Variants in FGD6 observed in about 807,000 individuals in gnomAD.
FGD6 encodes FYVE, RhoGEF and PH domain-containing protein 6.
In FGD6, 90 loss-of-function variants were observed where a neutral mutation model predicts 149.4. That is an observed-to-expected ratio of 0.60 (90% confidence interval 0.51 to 0.72). FGD6 has a LOEUF of 0.72. Ranked by LOEUF, FGD6 falls within the 30% of genes least tolerant of loss-of-function variation. FGD6 has a pLI of 0.00. For missense variants in FGD6, 1,437 were observed against 1,684.8 expected (o/e 0.85, Z 2.57); for synonymous variants, 527 against 584.0 (o/e 0.90, Z 1.41).
rs374543487 is a variant in FGD6 at position 95,105,105 on chromosome 12, A to G, written c.3418-19T>C. 1.3e-6 allele frequency: 2 copies of G among 1,591,360 alleles called. No individual in the cohort carries two copies. The highest frequency in any genetic ancestry group is 2.7e-5 in the African/African-American group (2 of 73,386). On this transcript the variant is annotated intron_variant, in intron 13 of 20. Transcript: ENST00000343958. The stretch of plus-strand genomic sequence containing the variant: ...TTCTGACCTGGAAGAAAGCACAACA[A>G]TTTGAGCCGACTCATCCTACTGAAA...
intron 1 of FGD6, among the ~76,000 whole-genome samples, chr12:95,215,592 A>T (rs2056749323): frequency 6.6e-6 from 1 of 152,224 alleles, no homozygotes; most frequent in Admixed American, 6.5e-5. Flanking sequence ...AAAACCAACC[A>T]ACTCGGCTAG....
chr12:95,153,836 A>T (rs1880378632), intron 3 of FGD6, among the ~76,000 whole-genome samples: 1 of 151,940 alleles, frequency 6.6e-6, no homozygotes, highest in Admixed American at 6.6e-5. Context: ...AGGCTCTCCG[A>T]ATTTCCTTAA....
intron 9 of FGD6, among the ~76,000 whole-genome samples, chr12:95,112,718 GGAGA>G (rs1278874913): frequency 6.6e-6 from 1 of 152,100 alleles, no homozygotes; most frequent in Non-Finnish European, 1.5e-5. Flanking sequence ...AGAGAGGGAG[GGAGA>G]GAGATTGTGA....
chr12:95,195,604 G>GA (rs527612318), intron 2 of FGD6, among the ~76,000 whole-genome samples: 2 of 144,938 alleles, frequency 1.4e-5, no homozygotes, highest in Admixed American at 6.9e-5. Context: ...AATTTGAGAG[G>GA]AAAAAAAATT....
chr12:95,125,412 C>A (rs1200270442), intron 8 of FGD6, among the ~76,000 whole-genome samples: 1 of 152,092 alleles, frequency 6.6e-6, no homozygotes, highest in African/African-American at 2.4e-5. Context: ...GTGGAAGGAT[C>A]CCCTGAACCC....
intron 8 of FGD6, among the ~76,000 whole-genome samples, chr12:95,116,194 T>C (rs905049123): frequency 3.3e-5 from 5 of 152,170 alleles, no homozygotes; most frequent in Admixed American, 3.3e-4. Context: ...TATTACATAA[T>C]CCGTGTCTGG....
At chr12:95,112,795 C>T (rs1592837085) in intron 9 of FGD6, among the ~76,000 whole-genome samples, 1 of 152,180 alleles carries the variant, frequency 6.6e-6, no homozygotes, top group South Asian at 2.1e-4. Context: ...ATGAGTCCCT[C>T]ATGTTGTAAT....
At chr12:95,137,701 C>CA in intron 6 of FGD6, 23 bp from the exon 7 acceptor site, 1 of 1,512,084 alleles carries the variant, frequency 6.6e-7, no homozygotes, top group Non-Finnish European at 8.9e-7. Context: ...AAGAGATACA[C>CA]AAAAAAATAT....
chr12:95,088,756 C>T (rs914065651), intron 18 of FGD6, among the ~76,000 whole-genome samples: 2 of 152,122 alleles, frequency 1.3e-5, no homozygotes, highest in Non-Finnish European at 2.9e-5. Flanking sequence ...TAACAAGAAA[C>T]GAAGTATGGA....
At position 95,089,670 on chromosome 12, in the gene FGD6, A is replaced by T; in HGVS notation, c.3877T>A (p.Ser1293Thr). Residue 1293 changes from serine (S) to threonine (T), a missense_variant, in exon 18 of 21, where the codon TCT becomes ACT. Transcript: ENST00000343958. The part of the protein sequence containing the change: ...LDHQHSPRIG[S>T]PGNHKSPSSA... ...GAAGGAGATTTGTGATTTCCAGGAGATCCAATCCTAGGGGAGTGCTGGTGA... is the reference window on the plus strand; with the variant it reads ...GAAGGAGATTTGTGATTTCCAGGAGTTCCAATCCTAGGGGAGTGCTGGTGA... 6.2e-7 allele frequency: 1 copy of T among 1,613,844 alleles called. No individual in the cohort carries two copies. Among genetic ancestry groups the T allele is most frequent in the Non-Finnish European group, 8.5e-7 (1 of 1,179,820 alleles).
chr12:95,206,243 A>G (rs2056692324), intron 2 of FGD6, among the ~76,000 whole-genome samples: 1 of 152,184 alleles, frequency 6.6e-6, no homozygotes. Context: ...AATTTATCTT[A>G]GGCAAGGATA....
intron 2 of FGD6, among the ~76,000 whole-genome samples, chr12:95,182,018 A>G (rs1881296563): frequency 6.6e-6 from 1 of 152,012 alleles, no homozygotes; most frequent in African/African-American, 2.4e-5. Flanking sequence ...CTCTTATTGA[A>G]AACGAAAAAG....
At position 95,077,088 on chromosome 12, in the gene FGD6, G is replaced by A. The variant is rs1001597594; in HGVS notation, c.*4432C>T. On this transcript the variant is annotated 3_prime_UTR_variant, in exon 21 of 21. Coordinates refer to ENST00000343958, the MANE Select transcript of FGD6 (RefSeq NM_018351.4). ...CTCAAAACAACTATCTCTTATAAGGGAAAATATCATAGATAAGATTTTCCT... is the reference window on the plus strand; with the variant it reads ...CTCAAAACAACTATCTCTTATAAGGAAAAATATCATAGATAAGATTTTCCT... 6.6e-6 allele frequency: 1 copy of A among 151,968 alleles called. No individual in the cohort carries two copies. Among genetic ancestry groups the A allele is most frequent in the African/African-American group, 2.4e-5 (1 of 41,364 alleles). The allele number at this position is 151,968 out of a possible 1,614,324, so 9.4% of individuals were successfully genotyped here.
chr12:95,126,247 C>T (rs1327441486), intron 8 of FGD6: 6 of 1,287,848 alleles, frequency 4.7e-6, no homozygotes, highest in Non-Finnish European at 5.6e-6. Flanking sequence ...AAGATGACCG[C>T]TGTGGGCAAG....
At chr12:95,097,033 A>C (rs1426206604) in intron 14 of FGD6, among the ~76,000 whole-genome samples, 1 of 152,196 alleles carries the variant, frequency 6.6e-6, no homozygotes, top group Non-Finnish European at 1.5e-5. Flanking sequence ...CAACTGTGTA[A>C]ATCATGTCAC....
intron 18 of FGD6, among the ~76,000 whole-genome samples, 188 bp from the exon 19 acceptor site, chr12:95,086,096 C>G (rs527533411): frequency 6.6e-6 from 1 of 151,980 alleles, no homozygotes; most frequent in South Asian, 2.1e-4. Flanking sequence ...AAGAAGACAA[C>G]CATGTTAGAG....
intron 19 of FGD6, chr12:95,085,451 C>T (rs1357325722): frequency 7.1e-6 from 2 of 280,878 alleles, no homozygotes; most frequent in African/African-American, 4.4e-5. Flanking sequence ...GATCCACCCC[C>T]ACTCAGCCTC....
chr12:95,211,247 C>T lies in FGD6; in HGVS notation c.37G>A (p.Ala13Thr), dbSNP rs148621935. The T allele has an allele frequency of 1.2e-4, 195 of 1,580,976 alleles. No individual in the cohort carries two copies. The highest frequency in any genetic ancestry group is 1.6e-5 in the Non-Finnish European group (19 of 1,169,610). ...SAAEIKKPPV[A>T]PKPKFVVANN... Reference sequence around the variant, plus strand: ...GCCACAACAAACTTGGGCTTGGGGGCCACTGGTGGCTTCTTTATCTCTAGA... The same window carrying T: ...GCCACAACAAACTTGGGCTTGGGGGTCACTGGTGGCTTCTTTATCTCTAGA... The change falls in exon 2 of 21, where the codon GCC (alanine) becomes ACC (threonine). Residue 13 changes from alanine to threonine, a missense_variant. Around this residue, in one of 2 missense-constraint regions of FGD6, gnomAD observed 1,055 missense variants for 1,146.0 expected, o/e 0.92. Transcript: ENST00000343958.
chr12:95,172,552 T>C (rs748038014), intron 3 of FGD6, 48 bp downstream of exon 3: 1 of 1,478,360 alleles, frequency 6.8e-7, no homozygotes, highest in South Asian at 1.5e-5. Flanking sequence ...CAAATATCAT[T>C]CCCAAGCATA....
Sources: allele counts gnomAD v4.1 joint callset (sites outside exome capture counted in the v4.1 genomes callset), GRCh38; gene constraint gnomAD v4.1.1; regional missense constraint gnomAD v4.1.1; transcripts MANE v1.5; gene names NCBI Gene and HGNC (gene_info 2026-07-23, HGNC 2026-07-21).